TMED10: variants seen among roughly 807,000 people sequenced by gnomAD.
TMED10 encodes the protein transmembrane emp24 domain-containing protein 10.
In TMED10, 7 loss-of-function variants were observed where a neutral mutation model predicts 23.1. That is an observed-to-expected ratio of 0.30 (90% CI 0.17 to 0.57). TMED10 has a LOEUF of 0.57. Ranked by LOEUF, TMED10 falls within the 20% of genes least tolerant of loss-of-function variation. The pLI, the probability that TMED10 is intolerant of heterozygous loss-of-function variation, is 0.91. For missense variants in TMED10, 162 were observed against 274.8 expected, an observed-to-expected ratio of 0.59 and a Z score of 2.90; for synonymous variants, 113 against 106.9, an observed-to-expected ratio of 1.06 and a Z score of -0.35.
intron 3 of TMED10, among the ~76,000 whole-genome samples, chr14:75,138,416 A>T (rs1038843502): frequency 1.3e-5 from 2 of 152,236 alleles, no homozygotes; most frequent in African/African-American, 4.8e-5. Context: ...TCTGGGTGTA[A>T]GATTTAACCA....
At chr14:75,166,018 G>A (rs572385641) in intron 1 of TMED10, among the ~76,000 whole-genome samples, 1 of 152,030 alleles carries the variant, frequency 6.6e-6, no homozygotes, top group Admixed American at 6.6e-5. Flanking sequence ...GAAAGAGAGG[G>A]AGGAAAGGAG....
chr14:75,153,233 C>T (rs749119333), intron 1 of TMED10, among the ~76,000 whole-genome samples: 2 of 151,872 alleles, frequency 1.3e-5, no homozygotes, highest in African/African-American at 4.8e-5. Flanking sequence ...GGAAGCTTGC[C>T]GTGTCACTGC....
chr14:75,175,268 T>C (rs1357225901), intron 1 of TMED10, among the ~76,000 whole-genome samples: 6 of 152,074 alleles, frequency 3.9e-5, no homozygotes, highest in Non-Finnish European at 8.8e-5. Context: ...GCAGTAGTTG[T>C]CACCATCCAA....
intron 1 of TMED10, among the ~76,000 whole-genome samples, chr14:75,164,848 G>A (rs1566675367): frequency 1.3e-5 from 2 of 150,720 alleles, no homozygotes; most frequent in South Asian, 4.2e-4. Flanking sequence ...AGAGAAAGGG[G>A]TAGTCAGGTA....
Position 75,171,174 on chromosome 14 carries a change from C to A in TMED10, c.225+5181G>T, listed in dbSNP as rs569230475. Among the ~76,000 whole-genome samples, 3 of 151,142 alleles carry A rather than the reference C, an allele frequency of 2.0e-5. No individual in the cohort carries two copies. The East Asian group carries it at 5.8e-4, about 29-fold the overall frequency. ...GAGAATGAGATGAGATGATGATAGCCGGGGAAGGAGGGAGGAAGAGAGGAA... is the reference window on the plus strand; with the variant it reads ...GAGAATGAGATGAGATGATGATAGCAGGGGAAGGAGGGAGGAAGAGAGGAA... On this transcript the variant is annotated intron_variant, in intron 1 of 4. Transcript: ENST00000303575.
chr14:75,170,486 G>A (rs1896220087), intron 1 of TMED10, among the ~76,000 whole-genome samples: 1 of 152,082 alleles, frequency 6.6e-6, no homozygotes, highest in Non-Finnish European at 1.5e-5. Flanking sequence ...CAGAAAACAA[G>A]GATGCTATCA....
At chr14:75,136,655 A>G (rs1566668427) in intron 3 of TMED10, 1 of 152,230 alleles carries the variant, frequency 6.6e-6, no homozygotes, top group Non-Finnish European at 1.5e-5. Flanking sequence ...TAATAATTCA[A>G]AATACACAAT....
chr14:75,132,587 A>G lies in TMED10; in HGVS notation c.*2298T>C, dbSNP rs1222930583. ...TCTCAACAGCAGATGGCAATGTTGT[A>G]CAAGTTAACGACAGAACTACTTTTA... is the stretch of plus-strand genomic sequence containing the variant. On this transcript the variant is annotated 3_prime_UTR_variant, in exon 5 of 5. Transcript: ENST00000303575. 6.6e-6 allele frequency: 1 copy of G among 152,144 alleles called. No homozygotes were observed. Among genetic ancestry groups the G allele is most frequent in the Non-Finnish European group, 1.5e-5 (1 of 68,032 alleles). The allele number at this position is 152,144 out of a possible 1,614,324, so 9.4% of individuals were successfully genotyped here.
Position 75,134,930 on chromosome 14 carries a change from G to A in TMED10, c.615C>T (p.Val205=). The part of the protein sequence containing the change: ...FCLIGLATWQ[V]FYLRRFFKAK... The stretch of plus-strand genomic sequence containing the variant: ...CCTTGAAGAAGCGTCGCAGGTAGAA[G>A]ACCTGCCAGGTAGCTAGTCCAATGA... The change falls in exon 5 of 5, where the codon GTC becomes GTT. Residue 205 remains valine (V), a synonymous_variant. Transcript: ENST00000303575. 6.2e-6 allele frequency: 10 copies of A among 1,613,876 alleles called. No individual in the cohort carries two copies. The highest frequency in any genetic ancestry group is 8.5e-6 in the Non-Finnish European group (10 of 1,179,768).
chr14:75,149,075 C>T (rs776566187), intron 2 of TMED10, among the ~76,000 whole-genome samples: 5 of 152,198 alleles, frequency 3.3e-5, no homozygotes, highest in Non-Finnish European at 5.9e-5. Flanking sequence ...AGCCACCACA[C>T]CCAGGTAATT....
chr14:75,154,499 T>C (rs1205141764), intron 1 of TMED10, among the ~76,000 whole-genome samples: 1 of 147,662 alleles, frequency 6.8e-6, no homozygotes, highest in Non-Finnish European at 1.5e-5. Flanking sequence ...AAAAAATTGA[T>C]AATAACTAAA....
rs368412262 is a variant in TMED10, at chr14:75,164,532, AATATATATATAT to A, written c.225+11811_225+11822del. The stretch of plus-strand genomic sequence containing the variant: ...AGGCGTGAGCCACTGCACCTGGCCT[AATATATATATAT>A]ATATATATATATATATATATATATA... On this transcript the variant is annotated intron_variant, in intron 1 of 4. Coordinates refer to ENST00000303575, the MANE Select transcript of TMED10 (RefSeq NM_006827.6). Among the ~76,000 whole-genome samples, 161 of 54,364 alleles carry A rather than the reference AATATATATATAT, an allele frequency of 3.0e-3. 1 individual carries two copies. The highest frequency in any genetic ancestry group is 9.8e-3 in the African/African-American group (142 of 14,450). 35.7% of individuals were successfully genotyped at this position (54,364 alleles called of 152,430 possible). A position where few individuals can be genotyped will look rare whatever the true frequency, so the allele number is the denominator to read the frequency against.
chr14:75,175,890 T>C (rs1341095507), intron 1 of TMED10: 1 of 194,536 alleles, frequency 5.1e-6, no homozygotes, highest in Non-Finnish European at 1.1e-5. Context: ...TGGTAATATA[T>C]GCAAAGTAGC....
intron 1 of TMED10, among the ~76,000 whole-genome samples, chr14:75,155,603 CAGAG>C (rs748081293): frequency 6.6e-6 from 1 of 152,152 alleles, no homozygotes; most frequent in East Asian, 1.9e-4. Context: ...ATAAAGCTAA[CAGAG>C]AGAGAGCGCT....
intron 1 of TMED10, among the ~76,000 whole-genome samples, chr14:75,173,982 C>T (rs1284612849): frequency 3.3e-5 from 5 of 152,178 alleles, no homozygotes; most frequent in African/African-American, 7.2e-5. Flanking sequence ...CCACCCGCCT[C>T]GGCCTCCCAA....
intron 3 of TMED10, among the ~76,000 whole-genome samples, chr14:75,147,328 G>C (rs1170805538): frequency 6.6e-6 from 1 of 151,814 alleles, no homozygotes; most frequent in Non-Finnish European, 1.5e-5. Flanking sequence ...AGACTAGCTG[G>C]GATTACAGGC....
At chr14:75,169,387 G>A (rs543101524) in intron 1 of TMED10, among the ~76,000 whole-genome samples, 1 of 152,330 alleles carries the variant, frequency 6.6e-6, no homozygotes, top group Admixed American at 6.5e-5. Context: ...CCTCAGGCTA[G>A]GCACAGTGGC....
chr14:75,145,513 C>T (rs775707794), intron 3 of TMED10, among the ~76,000 whole-genome samples: 9 of 152,138 alleles, frequency 5.9e-5, no homozygotes, highest in Non-Finnish European at 8.8e-5. Context: ...GGGCTGGGCG[C>T]GGTGCCTCAC....
At chr14:75,166,544 G>A (rs971103188) in intron 1 of TMED10, among the ~76,000 whole-genome samples, 5 of 152,272 alleles carry the variant, frequency 3.3e-5, no homozygotes, top group Admixed American at 2.6e-4. Flanking sequence ...TTTCAAACTG[G>A]AAGCAGCCCC....
Sources: allele counts gnomAD v4.1 joint callset (sites outside exome capture counted in the v4.1 genomes callset), GRCh38; gene constraint gnomAD v4.1.1; transcripts MANE v1.5; gene names NCBI Gene and HGNC (gene_info 2026-07-23, HGNC 2026-07-21).